HELQ: variants seen among roughly 807,000 people sequenced by gnomAD.
The protein encoded by HELQ is helicase POLQ-like.
HELQ carries 77 observed loss-of-function variants against 111.6 expected under a neutral mutation model. The ratio of observed to expected loss-of-function variants is 0.69; its 90% CI spans 0.57 to 0.83. HELQ has a LOEUF of 0.83. HELQ is among the 40% of genes least tolerant of loss of function. The pLI, the probability that HELQ is intolerant of heterozygous loss-of-function variation, is 0.00. For synonymous variants in HELQ, 438 were observed against 454.7 expected, an observed-to-expected ratio of 0.96 and a Z score of 0.47; for missense variants, 1,200 against 1,288.5, an observed-to-expected ratio of 0.93 and a Z score of 1.05.
intron 8 of HELQ, among the ~76,000 whole-genome samples, chr4:83,438,816 T>C (rs1469768924): frequency 6.6e-6 from 1 of 151,098 alleles, no homozygotes; most frequent in Non-Finnish European, 1.5e-5. Flanking sequence ...TCCACAGTGG[T>C]AACAGTGATT....
At chr4:83,414,266 C>T (rs763940303) in intron 17 of HELQ, among the ~76,000 whole-genome samples, 1 of 152,130 alleles carries the variant, frequency 6.6e-6, no homozygotes, top group Non-Finnish European at 1.5e-5. Context: ...GTTTTGTCAG[C>T]ACTCCGTGGG....
intron 11 of HELQ, 112 bp downstream of exon 11, chr4:83,431,548 TTAAA>T: frequency 5.3e-6 from 2 of 379,640 alleles, no homozygotes; most frequent in Non-Finnish European, 4.7e-6. Context: ...GAAAAAATTA[TTAAA>T]TAAAAAATTA....
intron 17 of HELQ, among the ~76,000 whole-genome samples, chr4:83,411,036 T>A (rs1218962365): frequency 1.3e-5 from 2 of 150,862 alleles, no homozygotes; most frequent in East Asian, 3.9e-4. Context: ...GGTGCATGCC[T>A]GTGGTCCCAG....
rs1272992402 is a variant in HELQ at position 83,453,515 on chromosome 4, G to A, written c.728C>T (p.Pro243Leu). The change falls in exon 2 of 18, where the codon CCC becomes CTC. Residue 243 changes from proline to leucine, a missense_variant. Transcript: ENST00000295488. ...EELPHNCIEQ[P>L]QQNDESSSKV... ...GGAAGAGGACTCATCATTTTGCTGG[G>A]GTTGCTCTATGCAATTATGGGGCAG... The A allele has an allele frequency of 6.2e-7, 1 of 1,613,772 alleles. No homozygotes were observed. The highest frequency in any genetic ancestry group is 1.1e-5 in the South Asian group (1 of 90,976).
chr4:83,443,269 C>G (rs1191641961), intron 6 of HELQ, among the ~76,000 whole-genome samples: 1 of 152,082 alleles, frequency 6.6e-6, no homozygotes, highest in African/African-American at 2.4e-5. Flanking sequence ...AAAACTCATT[C>G]AATGAACGTT....
At chr4:83,432,332 C>T in intron 9 of HELQ, 65 bp from the exon 10 acceptor site, 1 of 1,209,152 alleles carries the variant, frequency 8.3e-7, no homozygotes, top group Admixed American at 2.8e-5. Context: ...TTCTTAATTT[C>T]ATTATATATT....
At chr4:83,430,235 T>A (rs1161885575) in intron 11 of HELQ, among the ~76,000 whole-genome samples, 1 of 149,496 alleles carries the variant, frequency 6.7e-6, no homozygotes, top group Non-Finnish European at 1.5e-5. Flanking sequence ...GTAACAAACC[T>A]GCACATTGTG....
Position 83,427,713 on chromosome 4 carries a change from T to C in HELQ, c.2526A>G (p.Ile842Met). Residue 842 changes from isoleucine to methionine, a missense_variant, in exon 13 of 18, where the codon ATA (isoleucine) becomes ATG (methionine). Transcript: ENST00000295488. The part of the protein sequence containing the change: ...KLGRASFKGT[I>M]DLAYCDILYR... ...ACAGAATGTCACAATAAGCTAAATC[T>C]ATAGTTCCTAAAAGAAAGATACAAA... is the stretch of plus-strand genomic sequence containing the variant. 1 of 1,535,354 alleles carries C rather than the reference T, an allele frequency of 6.5e-7. No individual in the cohort carries two copies. The highest frequency in any genetic ancestry group is 8.8e-7 in the Non-Finnish European group (1 of 1,142,792).
rs866168068 is a variant in HELQ at position 83,453,524 on chromosome 4, A to C, written c.719T>G (p.Ile240Arg). 1 of 1,613,834 alleles carries C rather than the reference A, an allele frequency of 6.2e-7. No individual in the cohort carries two copies. The highest frequency in any genetic ancestry group is 1.6e-4 in the Middle Eastern group (1 of 6,062). The change falls in exon 2 of 18, where the codon ATA (isoleucine) becomes AGA (arginine). Residue 240 changes from isoleucine to arginine, a missense_variant. Transcript: ENST00000295488. ...TVNEELPHNC[I>R]EQPQQNDESS... ...CTCATCATTTTGCTGGGGTTGCTCTATGCAATTATGGGGCAGTTCCTCATT... is the reference window on the plus strand; with the variant it reads ...CTCATCATTTTGCTGGGGTTGCTCTCTGCAATTATGGGGCAGTTCCTCATT...
rs1230325526 is a variant in HELQ at position 83,407,570 on chromosome 4, A to G, written c.3199-10T>C. On this transcript the variant is annotated splice_polypyrimidine_tract_variant and intron_variant, in intron 17 of 17. Coordinates refer to ENST00000295488, the MANE Select transcript of HELQ (RefSeq NM_133636.5). ...TTTCATGCAACAGCATCTACATTAA[A>G]AAATTAAGACGTGAGGCCAAAATAT... The G allele has an allele frequency of 8.8e-6, 14 of 1,598,788 alleles. No individual in the cohort carries two copies. Among genetic ancestry groups the G allele is most frequent in the African/African-American group, 1.3e-5 (1 of 74,382 alleles).
Position 83,446,042 on chromosome 4 carries a change from C to A in HELQ, c.1437G>T (p.Met479Ile). 1 of 1,613,180 alleles carries A rather than the reference C, an allele frequency of 6.2e-7. No homozygotes were observed. Among genetic ancestry groups the A allele is most frequent in the Admixed American group, 1.7e-5 (1 of 59,982 alleles). Reference protein sequence around the residue: ...GEGSRGATLEMTLAKILYTSK... With the variant: ...GEGSRGATLEITLAKILYTSK... ...TAGTGTAGAGGATTTTTGCTAGGGT[C>A]ATTTCCAGTGTAGCTCCACGGCTTC... Residue 479 changes from methionine (M) to isoleucine (I), a missense_variant, in exon 5 of 18, where the codon ATG (methionine) becomes ATT (isoleucine). Around this residue, in one of 3 missense-constraint regions of HELQ, gnomAD observed 610 missense variants for 607.1 expected, o/e 1.00. Coordinates refer to ENST00000295488, the MANE Select transcript of HELQ (RefSeq NM_133636.5).
chr4:83,454,631 G>C (rs1239301751), intron 1 of HELQ, among the ~76,000 whole-genome samples: 1 of 150,090 alleles, frequency 6.7e-6, no homozygotes, highest in African/African-American at 2.5e-5. Context: ...CTGTTGCCTA[G>C]GCTGGTTTTG....
intron 2 of HELQ, among the ~76,000 whole-genome samples, chr4:83,450,699 C>T (rs951658617): frequency 6.6e-6 from 1 of 151,136 alleles, no homozygotes; most frequent in African/African-American, 2.4e-5. Flanking sequence ...GGTACAATGG[C>T]TCATATCTGT....
At chr4:83,429,468 T>C (rs1720026387) in intron 12 of HELQ, 56 bp downstream of exon 12, 1 of 1,274,636 alleles carries the variant, frequency 7.8e-7, no homozygotes, top group Non-Finnish European at 1.1e-6. Context: ...TATAATTTAA[T>C]TTTCATTTTT....
chr4:83,430,654 G>A (rs763982902), intron 11 of HELQ, among the ~76,000 whole-genome samples: 5 of 151,966 alleles, frequency 3.3e-5, no homozygotes, highest in East Asian at 1.9e-4. Context: ...AATTTAAGTC[G>A]TAATTTCATA....
At chr4:83,423,675 T>C (rs1180774727) in intron 14 of HELQ, among the ~76,000 whole-genome samples, 1 of 152,060 alleles carries the variant, frequency 6.6e-6, no homozygotes, top group African/African-American at 2.4e-5. Flanking sequence ...CTTTTGGAGG[T>C]TGAGGTAGGC....
At chr4:83,443,321 C>G (rs1436570971) in intron 6 of HELQ, among the ~76,000 whole-genome samples, 196 bp downstream of exon 6, 4 of 151,990 alleles carry the variant, frequency 2.6e-5, no homozygotes, top group Non-Finnish European at 5.9e-5. Context: ...CATTAGTGAC[C>G]CAACCCAAGA....
Position 83,427,715 on chromosome 4 carries a change from T to C in HELQ, c.2524A>G (p.Ile842Val), listed in dbSNP as rs776776755. The change falls in exon 13 of 18, where the codon ATA becomes GTA. Residue 842 changes from isoleucine to valine, a missense_variant. Coordinates refer to ENST00000295488, the MANE Select transcript of HELQ (RefSeq NM_133636.5). ...AGAATGTCACAATAAGCTAAATCTA[T>C]AGTTCCTAAAAGAAAGATACAAATA... ...KLGRASFKGT[I>V]DLAYCDILYR... 3.3e-6 allele frequency: 5 copies of C among 1,533,560 alleles called. No homozygotes were observed. The African/African-American group carries it at 5.6e-5, about 17-fold the overall frequency. 95.0% of individuals were successfully genotyped at this position (1,533,560 alleles called of 1,614,324 possible).
intron 17 of HELQ, among the ~76,000 whole-genome samples, chr4:83,407,952 T>C (rs951775620): frequency 6.6e-6 from 1 of 152,214 alleles, no homozygotes; most frequent in Admixed American, 6.5e-5. Context: ...CCTCAAAATT[T>C]AGTATGCTTT....
Sources: allele counts gnomAD v4.1 joint callset (sites outside exome capture counted in the v4.1 genomes callset), GRCh38; gene constraint gnomAD v4.1.1; regional missense constraint gnomAD v4.1.1; transcripts MANE v1.5; gene names NCBI Gene and HGNC (gene_info 2026-07-23, HGNC 2026-07-21).